CTBP1: variants seen among roughly 807,000 people sequenced by gnomAD.
The protein encoded by CTBP1 is C-terminal-binding protein 1.
CTBP1 carries 11 observed loss-of-function variants against 42.1 expected under a neutral mutation model. The ratio of observed to expected loss-of-function variants is 0.26; its 90% confidence interval spans 0.16 to 0.43. The LOEUF (loss-of-function observed/expected upper bound fraction) is 0.43. Ranked by LOEUF, CTBP1 falls within the 20% of genes least tolerant of loss-of-function variation. The pLI, the probability that CTBP1 is intolerant of heterozygous loss-of-function variation, is 1.00. For synonymous variants in CTBP1, 324 were observed against 277.1 expected, an observed-to-expected ratio of 1.17 and a Z score of -1.68; for missense variants, 399 against 624.3, an observed-to-expected ratio of 0.64 and a Z score of 3.85.
rs566591122 is a variant in CTBP1, at chr4:1,232,262, C to G, written c.163-3919G>C. ...TGGCACACAAATTGAAAATACCCAA[C>G]CCCTACCTCTCCCGTTTTTATTTTT... On this transcript the variant is annotated intron_variant, in intron 3 of 9. Transcript: ENST00000382952. Among the ~76,000 whole-genome samples, 3 of 152,290 alleles carry G rather than the reference C, an allele frequency of 2.0e-5. No individual in the cohort carries two copies. The South Asian group carries it at 6.2e-4, about 32-fold the overall frequency.
chr4:1,218,998 G>A (rs1729448142), intron 5 of CTBP1, among the ~76,000 whole-genome samples: 1 of 151,946 alleles, frequency 6.6e-6, no homozygotes, highest in Non-Finnish European at 1.5e-5. Context: ...AAAGAAAGAG[G>A]AACTAACTCT....
rs377619487 is a variant in CTBP1 at position 1,212,316 on chromosome 4, T to A, written c.1214A>T (p.His405Leu). Residue 405 changes from histidine to leucine, a missense_variant, in exon 10 of 10, where the codon CAC becomes CTC. Transcript: ENST00000382952. ...SLSHGLPPVA[H>L]PPHAPSPGQT... ...GCCAGGAGAAGGGGCGTGGGGCGGG[T>A]GGGCCACAGGGGGCAGGCCGTGGGA... 220 of 492,766 alleles carry A rather than the reference T, an allele frequency of 4.5e-4. No homozygotes were observed. The highest frequency in any genetic ancestry group is 6.8e-4 in the Non-Finnish European group (206 of 303,100). The allele number at this position is 492,766 out of a possible 1,614,324, so 30.5% of individuals were successfully genotyped here. A position where few individuals can be genotyped will look rare whatever the true frequency, so the allele number is the denominator to read the frequency against.
intron 3 of CTBP1, among the ~76,000 whole-genome samples, chr4:1,230,466 G>A (rs1357327554): frequency 1.3e-5 from 2 of 152,218 alleles, no homozygotes; most frequent in Non-Finnish European, 2.9e-5. Context: ...TGCGAGCGGT[G>A]GGCAGAGGCG....
intron 4 of CTBP1, 64 bp from the exon 5 acceptor site, chr4:1,225,630 G>A (rs968901412): frequency 1.1e-5 from 16 of 1,470,376 alleles, no homozygotes; most frequent in African/African-American, 1.4e-5. Flanking sequence ...GGACACCGGG[G>A]CCGCCGTGAC....
At chr4:1,236,799 C>G in intron 3 of CTBP1, 2 of 660,380 alleles carry the variant, frequency 3.0e-6, no homozygotes, top group Admixed American at 4.5e-5. Flanking sequence ...CCTGATGGGG[C>G]TCAGGGCAAA....
Position 1,211,812 on chromosome 4 carries a change from C to T in CTBP1, c.*428G>A, listed in dbSNP as rs1484948173. The T allele has an allele frequency of 6.5e-6, 1 of 154,524 alleles. No homozygotes were observed. Among genetic ancestry groups the T allele is most frequent in the Non-Finnish European group, 1.4e-5 (1 of 71,270 alleles). 9.6% of individuals were successfully genotyped at this position (154,524 alleles called of 1,614,324 possible). ...CATAAAAAGAAAAACGGGAAGGATTCATTGTCCTGAGAAGTTTGCCAACTG... is the reference window on the plus strand; with the variant it reads ...CATAAAAAGAAAAACGGGAAGGATTTATTGTCCTGAGAAGTTTGCCAACTG... On this transcript the variant is annotated 3_prime_UTR_variant, in exon 10 of 10. Transcript: ENST00000382952.
intron 5 of CTBP1, chr4:1,221,530 T>C (rs1429222761): frequency 6.3e-6 from 1 of 159,172 alleles, no homozygotes; most frequent in South Asian, 1.6e-4. Context: ...GAGAAGCAAA[T>C]CGTGCTGTGT....
At position 1,230,846 on chromosome 4, in the gene CTBP1, G is replaced by A. The variant is rs1482985992; in HGVS notation, c.163-2503C>T. On this transcript the variant is annotated intron_variant, in intron 3 of 9. Transcript: ENST00000382952. Reference sequence around the variant, plus strand: ...AAATCTATCTCATCTAGGTAAGCTCGGAGAAGCCGAAGCGTGCGCCGGCCA... The same window carrying A: ...AAATCTATCTCATCTAGGTAAGCTCAGAGAAGCCGAAGCGTGCGCCGGCCA... Among the ~76,000 whole-genome samples the A allele has an allele frequency of 3.3e-5, 5 of 152,240 alleles. No individual in the cohort carries two copies. The East Asian group carries it at 9.6e-4, about 29-fold the overall frequency.
At chr4:1,244,784 C>T (rs933160108) in intron 1 of CTBP1, 14 of 985,312 alleles carry the variant, frequency 1.4e-5, no homozygotes, top group African/African-American at 1.7e-5. Context: ...GAGTCCCCGG[C>T]AGCCATCTGG....
chr4:1,228,719 GA>G (rs201303716), intron 3 of CTBP1, among the ~76,000 whole-genome samples: 1 of 56,774 alleles, frequency 1.8e-5, no homozygotes, highest in Admixed American at 1.3e-4. Flanking sequence ...GAGGACACAG[GA>G]GGGGGGGTGC....
At chr4:1,243,736 G>A in intron 1 of CTBP1, 1 of 985,462 alleles carries the variant, frequency 1.0e-6, no homozygotes, top group South Asian at 4.7e-5. Flanking sequence ...AAGGGCTCCA[G>A]CTCTGTACCT....
intron 5 of CTBP1, among the ~76,000 whole-genome samples, 178 bp downstream of exon 5, chr4:1,225,182 G>C (rs185599518): frequency 1.8e-4 from 27 of 152,344 alleles, no homozygotes; most frequent in Middle Eastern, 3.4e-3. Flanking sequence ...CGTGCACGTA[G>C]GGCACACGCC....
At chr4:1,244,489 A>G (rs1577081051) in intron 1 of CTBP1, 1 of 984,222 alleles carries the variant, frequency 1.0e-6, no homozygotes, top group Non-Finnish European at 1.2e-6. Flanking sequence ...GCAGCTACCA[A>G]CCCTCCACGT....
rs1042722760 is a variant in CTBP1 at position 1,244,356 on chromosome 4, G to GA, written c.-188-2838_-188-2837insT. On this transcript the variant is annotated intron_variant, in intron 1 of 9. Transcript: ENST00000382952. Reference sequence around the variant, plus strand: ...AGCCACAGTGGGTCTCTGGGCACTGGGGGGGGGGTGTTCCAGGAAGTCCCA... The same window carrying GA: ...AGCCACAGTGGGTCTCTGGGCACTGGAGGGGGGGGTGTTCCAGGAAGTCCCA... 4.1e-5 allele frequency: 39 copies of GA among 961,110 alleles called. No individual in the cohort carries two copies. The African/African-American group carries it at 6.6e-4, about 16-fold the overall frequency. 59.5% of individuals were successfully genotyped at this position (961,110 alleles called of 1,614,324 possible).
upstream of CTBP1, chr4:1,249,218 C>T (rs112869142): frequency 0.27 from 39,662 of 147,766 alleles, 6,307 homozygotes; most frequent in Middle Eastern, 0.41. Flanking sequence ...GCGGGCGGCT[C>T]AGGGCCCGCC....
At chr4:1,223,645 G>A in intron 5 of CTBP1, 1 of 372,706 alleles carries the variant, frequency 2.7e-6, no homozygotes, top group South Asian at 1.9e-5. Context: ...GGTGTCCAGG[G>A]AGTCTTCAGA....
chr4:1,213,702 G>T, intron 7 of CTBP1, 97 bp from the exon 8 acceptor site: 1 of 1,478,428 alleles, frequency 6.8e-7, no homozygotes, highest in South Asian at 1.3e-5. Flanking sequence ...GGGGGGCCCT[G>T]CCTGGGAACC....
intron 5 of CTBP1, among the ~76,000 whole-genome samples, chr4:1,219,571 A>C (rs761869761): frequency 4.6e-5 from 7 of 152,254 alleles, no homozygotes; most frequent in South Asian, 2.1e-4. Flanking sequence ...ACTGCTGCTG[A>C]TGATTGTAGC....
At chr4:1,215,734 G>A (rs1011683516) in intron 6 of CTBP1, 1 of 541,076 alleles carries the variant, frequency 1.8e-6, no homozygotes, top group Non-Finnish European at 3.3e-6. Context: ...AGGGCTTCAG[G>A]GGAATTTGGT....
Sources: gnomAD v4.1 joint callset for allele counts (sites outside exome capture counted in the v4.1 genomes callset) on GRCh38, gnomAD v4.1.1 for gene constraint, MANE v1.5 for transcripts, NCBI Gene and HGNC (gene_info 2026-07-23, HGNC 2026-07-21) for gene names.